Variants in KCNK9 observed in about 807,000 individuals in gnomAD.
KCNK9 encodes potassium channel subfamily K member 9.
KCNK9 carries 1 observed loss-of-function variant against 10.8 expected under a neutral mutation model. The observed-to-expected ratio is 0.09, with a 90% CI of 0.03 to 0.44. KCNK9 has a LOEUF of 0.44. Among genes scored for constraint, KCNK9 ranks in the 20% least tolerant of loss-of-function variants. KCNK9 has a pLI of 0.97. For missense variants in KCNK9, 303 were observed against 515.0 expected (o/e 0.59, Z 3.98); for synonymous variants, 231 against 222.7 (o/e 1.04, Z -0.33).
intron 1 of KCNK9, among the ~76,000 whole-genome samples, chr8:139,672,855 C>T (rs778902883): frequency 1.2e-4 from 19 of 152,208 alleles, no homozygotes; most frequent in African/African-American, 3.9e-4. Flanking sequence ...TCCCAAGCCC[C>T]GGGGCACCTG....
intron 1 of KCNK9, among the ~76,000 whole-genome samples, chr8:139,635,772 G>A (rs1815319343): frequency 2.6e-5 from 4 of 152,092 alleles, no homozygotes; most frequent in Admixed American, 2.6e-4. Flanking sequence ...CCCCACTCAG[G>A]AGGCAGCCTG....
intron 1 of KCNK9, among the ~76,000 whole-genome samples, chr8:139,626,271 G>A (rs1814970785): frequency 6.6e-6 from 1 of 152,140 alleles, no homozygotes; most frequent in Admixed American, 6.5e-5. Context: ...AGACTTAAAG[G>A]GTAAAACCTC....
At chr8:139,677,449 G>T (rs575473954) in intron 1 of KCNK9, among the ~76,000 whole-genome samples, 1 of 152,060 alleles carries the variant, frequency 6.6e-6, no homozygotes, top group Non-Finnish European at 1.5e-5. Context: ...CACCCAGCTC[G>T]CCTGGGCTGC....
At position 139,685,147 on chromosome 8, in the gene KCNK9, T is replaced by G. The variant is rs1156629668; in HGVS notation, c.283+17563A>C. Among the ~76,000 whole-genome samples, 6 of 152,178 alleles carry G rather than the reference T, an allele frequency of 3.9e-5. No homozygotes were observed. In the South Asian group the frequency reaches 1.2e-3, roughly 32 times the overall value. ...TGTTCTTTTCAAATGTTCATGGAAC[T>G]CAACAAAAATTAATCATTGCACTAC... On this transcript the variant is annotated intron_variant, in intron 1 of 1. Transcript: ENST00000520439.
At chr8:139,624,715 GC>G (rs1814910341) in intron 1 of KCNK9, among the ~76,000 whole-genome samples, 1 of 152,184 alleles carries the variant, frequency 6.6e-6, no homozygotes, top group African/African-American at 2.4e-5. Flanking sequence ...TAGGTCACCT[GC>G]TAAGTGAAGC....
At chr8:139,610,525 C>T (rs1244043399), downstream of KCNK9, among the ~76,000 whole-genome samples, 2 of 152,202 alleles carry the variant, frequency 1.3e-5, no homozygotes, top group Non-Finnish European at 2.9e-5. Context: ...AAGTGAAAGA[C>T]CAAGATCTTA....
intron 1 of KCNK9, among the ~76,000 whole-genome samples, chr8:139,677,120 CT>C (rs1280181564): frequency 6.6e-6 from 1 of 152,158 alleles, no homozygotes. Context: ...CATCATGTTT[CT>C]GGACCTGCCT....
At chr8:139,661,596 G>A (rs1281613270) in intron 1 of KCNK9, among the ~76,000 whole-genome samples, 1 of 152,122 alleles carries the variant, frequency 6.6e-6, no homozygotes, top group Non-Finnish European at 1.5e-5. Flanking sequence ...GAGGTATCCT[G>A]AGCGCCCCAT....
At chr8:139,605,055 G>T (rs1405790955) in intron 2 of KCNK9, among the ~76,000 whole-genome samples, 1 of 152,214 alleles carries the variant, frequency 6.6e-6, no homozygotes, top group Non-Finnish European at 1.5e-5. Context: ...GAGCTCGGGA[G>T]CCCCAATACT....
intron 1 of KCNK9, among the ~76,000 whole-genome samples, chr8:139,649,343 G>T (rs1815784765): frequency 6.6e-6 from 1 of 152,244 alleles, no homozygotes; most frequent in South Asian, 2.1e-4. Flanking sequence ...TGGCTCCAGA[G>T]ATGAGCTTGG....
chr8:139,687,964 T>C (rs1407836301), intron 1 of KCNK9, among the ~76,000 whole-genome samples: 2 of 152,144 alleles, frequency 1.3e-5, no homozygotes, highest in Non-Finnish European at 2.9e-5. Flanking sequence ...CTCTTAAAGA[T>C]AAGTACTCAT....
chr8:139,613,908 A>G (rs766169407), downstream of KCNK9, among the ~76,000 whole-genome samples: 5 of 152,228 alleles, frequency 3.3e-5, no homozygotes, highest in Non-Finnish European at 7.3e-5. Context: ...TGCTTCACTG[A>G]TGACGGGGCC....
chr8:139,614,456 C>T (rs891101224), downstream of KCNK9, among the ~76,000 whole-genome samples: 2 of 152,204 alleles, frequency 1.3e-5, no homozygotes, highest in African/African-American at 4.8e-5. Flanking sequence ...TGAATGCAGG[C>T]ATTCCCCTCC....
chr8:139,680,237 G>A (rs766615563), intron 1 of KCNK9, among the ~76,000 whole-genome samples: 9 of 152,232 alleles, frequency 5.9e-5, no homozygotes, highest in African/African-American at 1.4e-4. Context: ...ACAAGTTCCC[G>A]TGTCTGGGTC....
chr8:139,614,460 C>A (rs1205542130), downstream of KCNK9, among the ~76,000 whole-genome samples: 1 of 152,190 alleles, frequency 6.6e-6, no homozygotes, highest in Admixed American at 6.5e-5. Flanking sequence ...TGCAGGCATT[C>A]CCCTCCCAAT....
chr8:139,618,312 C>A lies in KCNK9; in HGVS notation c.1071G>T (p.Gly357=), dbSNP rs1311345883. The A allele has an allele frequency of 3.1e-6, 5 of 1,614,016 alleles. No homozygotes were observed. Among genetic ancestry groups the A allele is most frequent in the African/African-American group, 1.3e-5 (1 of 74,898 alleles). Residue 357 remains glycine (G), a synonymous_variant, in exon 2 of 2, where the codon GGG becomes GGT. Coordinates refer to ENST00000520439, the MANE Select transcript of KCNK9 (RefSeq NM_001282534.2). The surrounding 1 kb of genome is among the most constrained non-coding windows in gnomAD (Gnocchi z 7.9). The part of the protein sequence containing the change: ...FPSPISSISP[G]LHSFTDHQRL... ...TCTGGTGGTCGGTAAAGCTGTGTAA[C>A]CCAGGAGAGATGGAGCTAATAGGCG...
chr8:139,642,190 C>T (rs1436043912), intron 1 of KCNK9, among the ~76,000 whole-genome samples: 11 of 152,152 alleles, frequency 7.2e-5, no homozygotes, highest in Admixed American at 2.0e-4. Context: ...GCGCTTCCCC[C>T]ACCTAAAATT....
chr8:139,622,900 T>C (rs376078218), intron 1 of KCNK9, among the ~76,000 whole-genome samples: 5 of 152,316 alleles, frequency 3.3e-5, no homozygotes, highest in African/African-American at 9.6e-5. Context: ...ACCTAATGTG[T>C]AGAATAACGG....
chr8:139,673,717 T>C (rs1178918799), intron 1 of KCNK9, among the ~76,000 whole-genome samples: 2 of 152,184 alleles, frequency 1.3e-5, no homozygotes, highest in African/African-American at 2.4e-5. Context: ...TTTGTAAAAA[T>C]GCCACCAAAG....
Sources: allele counts gnomAD v4.1 joint callset (sites outside exome capture counted in the v4.1 genomes callset), GRCh38; gene constraint gnomAD v4.1.1; non-coding constraint Gnocchi (gnomAD v3.1); transcripts MANE v1.5; gene names NCBI Gene and HGNC (gene_info 2026-07-23, HGNC 2026-07-21).